RNF157: variants seen among roughly 807,000 people sequenced by gnomAD.
RNF157 encodes the protein E3 ubiquitin ligase RNF157.
RNF157 carries 55 observed loss-of-function variants against 88.3 expected under a neutral mutation model. That is an observed-to-expected ratio of 0.62 (90% CI 0.50 to 0.78). RNF157 has a LOEUF of 0.78. Among genes scored for constraint, RNF157 ranks in the 30% least tolerant of loss-of-function variants. RNF157 has a pLI of 0.00. For missense variants in RNF157, 788 were observed against 860.8 expected (o/e 0.92, Z 1.06); for synonymous variants, 334 against 341.2 (o/e 0.98, Z 0.23).
intron 8 of RNF157, 110 bp downstream of exon 8, chr17:76,164,638 G>T: frequency 3.5e-6 from 2 of 576,898 alleles, no homozygotes; most frequent in Non-Finnish European, 2.9e-6. Context: ...GAAAAGGAGA[G>T]AGCAAAAAGT....
intron 18 of RNF157, 123 bp from the exon 19 acceptor site, chr17:76,145,476 A>G: frequency 1.5e-6 from 1 of 666,214 alleles, no homozygotes; most frequent in East Asian, 2.7e-5. Flanking sequence ...TGAGACTCCG[A>G]TGACGGTGCG....
intron 1 of RNF157, among the ~76,000 whole-genome samples, chr17:76,222,396 CTG>C (rs1391274929): frequency 1.3e-5 from 2 of 151,586 alleles, no homozygotes; most frequent in East Asian, 3.9e-4. Context: ...TTGTGCAACA[CTG>C]TGAATGTTCA....
intron 18 of RNF157, among the ~76,000 whole-genome samples, chr17:76,151,975 C>T (rs2144801509): frequency 6.6e-6 from 1 of 152,310 alleles, no homozygotes; most frequent in South Asian, 2.1e-4. Flanking sequence ...AGGGCGCAGG[C>T]AATCCTTCCA....
chr17:76,161,590 G>A lies in RNF157; in HGVS notation c.1010C>T (p.Pro337Leu), dbSNP rs368364997. 1.9e-6 allele frequency: 3 copies of A among 1,614,044 alleles called. No individual in the cohort carries two copies. In the African/African-American group the frequency reaches 4.0e-5, roughly 22 times the overall value. ...TGAGATGATGGGGTTAAAGCTGGTT[G>A]GGGACAAGGGGCCCAATTTTTTCCT... is the stretch of plus-strand genomic sequence containing the variant. ...AMRKKLGPLS[P>L]TSFNPIISSQ... Residue 337 changes from proline to leucine, a missense_variant, in exon 11 of 19, where the codon CCA (proline) becomes CTA (leucine). Physicochemically the swap from Pro to Leu is moderately conservative, Grantham distance 98. Coordinates refer to ENST00000269391, the MANE Select transcript of RNF157 (RefSeq NM_052916.3). This position sits in a 1 kb window ranked among gnomAD's most constrained non-coding sequence, Gnocchi z 4.6.
chr17:76,210,601 AAAAG>A (rs1555660855), intron 2 of RNF157, among the ~76,000 whole-genome samples: 9 of 148,412 alleles, frequency 6.1e-5, no homozygotes, highest in South Asian at 2.1e-4. Flanking sequence ...AAAAAAAAAA[AAAAG>A]AAAGAAAGAA....
intron 2 of RNF157, among the ~76,000 whole-genome samples, chr17:76,190,764 G>A (rs924046472): frequency 7.9e-5 from 12 of 151,768 alleles, no homozygotes; most frequent in East Asian, 2.0e-4. Flanking sequence ...AAAATTAGCC[G>A]GGCATGGTGG....
intron 1 of RNF157, among the ~76,000 whole-genome samples, chr17:76,228,367 C>G (rs2070130876): frequency 6.6e-6 from 1 of 152,244 alleles, no homozygotes; most frequent in African/African-American, 2.4e-5. Context: ...CAACACCTAA[C>G]AACTTCCCCA....
intron 13 of RNF157, chr17:76,156,601 A>T: frequency 9.5e-6 from 8 of 846,348 alleles, no homozygotes; most frequent in Non-Finnish European, 1.1e-5. Flanking sequence ...CGGGTGACAC[A>T]GGTCACCCTG....
Position 76,146,574 on chromosome 17 carries a change from C to T in RNF157, c.1922-1221G>A, listed in dbSNP as rs915238729. ...TCCGGACCCTGTGGGCCTCCCCAGC[C>T]GTGTCTCCCAGTGGCCTCCCCTCAC... On this transcript the variant is annotated intron_variant, in intron 18 of 18. Coordinates refer to ENST00000269391, the MANE Select transcript of RNF157 (RefSeq NM_052916.3). The surrounding 1 kb of genome is among the most constrained non-coding windows in gnomAD (Gnocchi z 4.2). 13 of 985,312 alleles carry T rather than the reference C, an allele frequency of 1.3e-5. No individual in the cohort carries two copies. The African/African-American group carries it at 1.4e-4, about 11-fold the overall frequency. 61.0% of individuals were successfully genotyped at this position (985,312 alleles called of 1,614,324 possible). A position where few individuals can be genotyped will look rare whatever the true frequency, so the allele number is the denominator to read the frequency against.
At chr17:76,165,399 G>A in intron 7 of RNF157, 103 bp downstream of exon 7, 10 of 1,172,764 alleles carry the variant, frequency 8.5e-6, no homozygotes, top group Non-Finnish European at 1.3e-5. Flanking sequence ...TCTAAAGCCA[G>A]ACCCATTCTG....
intron 2 of RNF157, among the ~76,000 whole-genome samples, chr17:76,194,773 T>C (rs903079242): frequency 6.6e-6 from 1 of 152,080 alleles, no homozygotes; most frequent in Admixed American, 6.6e-5. Context: ...CCCAGCACTT[T>C]GGGAGGCCAA....
intron 16 of RNF157, among the ~76,000 whole-genome samples, 160 bp downstream of exon 16, chr17:76,155,092 C>A (rs550858534): frequency 6.6e-6 from 1 of 152,358 alleles, no homozygotes; most frequent in East Asian, 1.9e-4. Flanking sequence ...CAGCTGCTCT[C>A]ATCTCTACCC....
rs919793074 is a variant in RNF157, at chr17:76,142,961, C to T, written c.*2274G>A. ...GCCCCACCTCTTCTCTTTGGGTGAA[C>T]TGTTGACGTGACTATGTGACTGTCT... On this transcript the variant is annotated 3_prime_UTR_variant, in exon 19 of 19. Transcript: ENST00000269391. 6.6e-6 allele frequency: 1 copy of T among 152,316 alleles called. No homozygotes were observed. The highest frequency in any genetic ancestry group is 1.5e-5 in the Non-Finnish European group (1 of 68,146). 9.4% of individuals were successfully genotyped at this position (152,316 alleles called of 1,614,324 possible). A position where few individuals can be genotyped will look rare whatever the true frequency, so the allele number is the denominator to read the frequency against.
In RNF157 at chr17:76,160,523, T is replaced by A. The variant is rs2068832016; in HGVS notation, c.1066-950A>T. On this transcript the variant is annotated intron_variant, in intron 11 of 18. Transcript: ENST00000269391. The surrounding 1 kb of genome is among the most constrained non-coding windows in gnomAD (Gnocchi z 4.3). ...AAAATGGTATTCTCATATTTGCATA[T>A]CATTGATTTTTAATGTGGTTGAACT... 6.6e-6 allele frequency among the ~76,000 whole-genome samples: 1 copy of A among 152,216 alleles called. No homozygotes were observed. Among genetic ancestry groups the A allele is most frequent in the Non-Finnish European group, 1.5e-5 (1 of 68,032 alleles).
At chr17:76,231,834 TCACA>T (rs2070197862) in intron 1 of RNF157, among the ~76,000 whole-genome samples, 1 of 152,206 alleles carries the variant, frequency 6.6e-6, no homozygotes, top group Non-Finnish European at 1.5e-5. Context: ...GCAACCATCA[TCACA>T]ATCCAGCTGA....
At chr17:76,154,842 G>A (rs2068737250) in intron 16 of RNF157, among the ~76,000 whole-genome samples, 1 of 152,142 alleles carries the variant, frequency 6.6e-6, no homozygotes. Flanking sequence ...GCTCCTAGAT[G>A]GGTGCAGTGG....
At chr17:76,206,008 C>T (rs1181178631) in intron 2 of RNF157, among the ~76,000 whole-genome samples, 1 of 152,134 alleles carries the variant, frequency 6.6e-6, no homozygotes, top group East Asian at 1.9e-4. Context: ...GACAGGAAGA[C>T]TACTTGAGCA....
At position 76,209,555 on chromosome 17, in the gene RNF157, ATTC is replaced by A. The variant is rs544132039; in HGVS notation, c.207+2806_207+2808del. On this transcript the variant is annotated intron_variant, in intron 2 of 18. Transcript: ENST00000269391. Reference sequence around the variant, plus strand: ...ATTCCGTGTGTGGCCCAATGTGACAATTCTTCTTCTTCCAATGTGGCCCAGGGA... The same window carrying A: ...ATTCCGTGTGTGGCCCAATGTGACAATTCTTCTTCCAATGTGGCCCAGGGA... Among the ~76,000 whole-genome samples the A allele has an allele frequency of 6.2e-3, 940 of 151,958 alleles. 11 individuals are homozygous for A. Among genetic ancestry groups the A allele is most frequent in the African/African-American group, 0.022 (893 of 41,392 alleles).
chr17:76,208,577 GA>G (rs1224901465), intron 2 of RNF157, among the ~76,000 whole-genome samples: 21 of 152,110 alleles, frequency 1.4e-4, no homozygotes, highest in African/African-American at 4.8e-4. Context: ...AACCTGTGGG[GA>G]AAAGAAAAAG....
Sources: allele counts gnomAD v4.1 joint callset (sites outside exome capture counted in the v4.1 genomes callset), GRCh38; gene constraint gnomAD v4.1.1; non-coding constraint Gnocchi (gnomAD v3.1); transcripts MANE v1.5; gene names NCBI Gene and HGNC (gene_info 2026-07-23, HGNC 2026-07-21).